Variants in CCDC175 observed in about 807,000 individuals in gnomAD.
The protein encoded by CCDC175 is coiled-coil domain containing 175, also known as coiled-coil domain-containing protein 175.
A neutral mutation model predicts 114.6 loss-of-function variants in CCDC175; 100 were observed. That is an observed-to-expected ratio of 0.87 (90% CI 0.74 to 1.03). CCDC175 has a LOEUF of 1.03. CCDC175 is among the 50% of genes least tolerant of loss of function. The pLI is 0.00. For synonymous variants in CCDC175, 306 were observed against 308.7 expected, an observed-to-expected ratio of 0.99 and a Z score of 0.09; for missense variants, 880 against 917.8, an observed-to-expected ratio of 0.96 and a Z score of 0.53.
At position 59,562,776 on chromosome 14, in the gene CCDC175, G is replaced by A. The variant is rs1479872048; in HGVS notation, c.843+961C>T. Reference sequence around the variant, plus strand: ...TATGAGGCCACAACTGGAAATATGAGCGTGGGCATGCAGATAGAATACGTT... The same window carrying A: ...TATGAGGCCACAACTGGAAATATGAACGTGGGCATGCAGATAGAATACGTT... On this transcript the variant is annotated intron_variant, in intron 6 of 19. Coordinates refer to ENST00000537690, the MANE Select transcript of CCDC175 (RefSeq NM_001164399.2). 5.3e-5 allele frequency among the ~76,000 whole-genome samples: 8 copies of A among 152,172 alleles called. No individual in the cohort carries two copies. The East Asian group carries it at 1.5e-3, about 29-fold the overall frequency.
intron 7 of CCDC175, among the ~76,000 whole-genome samples, chr14:59,555,525 A>T (rs148477581): frequency 0.016 from 2,477 of 152,252 alleles, 64 homozygotes; most frequent in African/African-American, 0.056. Context: ...ATGGGCAAAA[A>T]CTGGAAGCAT....
rs1435180872 is a variant in CCDC175, at chr14:59,572,726, TG to T, written c.330del (p.Asn111IlefsTer17). 3.3e-6 allele frequency: 5 copies of T among 1,510,070 alleles called. No individual in the cohort carries two copies. In the South Asian group the frequency reaches 6.4e-5, roughly 19 times the overall value. 93.5% of individuals were successfully genotyped at this position (1,510,070 alleles called of 1,614,324 possible). On this transcript the variant is annotated frameshift_variant, in exon 3 of 20. Coordinates refer to ENST00000537690, the MANE Select transcript of CCDC175 (RefSeq NM_001164399.2). LOFTEE classifies it high-confidence loss of function. ...CCTTCCAATTCCCTCTTAATGCTAT[TG>T]GGAAGAGTTTCCAATAGATAGTATA... ...NKLYYLLETL[P>X]NSIKRELEEC...
In CCDC175 at chr14:59,568,307, C is replaced by T. The variant is rs1031959049; in HGVS notation, c.429G>A (p.Glu143=). 6.5e-7 allele frequency: 1 copy of T among 1,534,158 alleles called. No homozygotes were observed. Among genetic ancestry groups the T allele is most frequent in the South Asian group, 1.2e-5 (1 of 83,226 alleles). Residue 143 remains glutamate (E), a synonymous_variant, in exon 4 of 20, where the codon GAG becomes GAA. Coordinates refer to ENST00000537690, the MANE Select transcript of CCDC175 (RefSeq NM_001164399.2). The part of the protein sequence containing the change: ...NTIKMRITRT[E]NEIELLKKKI... ...TCTTCTTCAGAAGCTCTATTTCATT[C>T]TCTGTCCTTGTAATTCTCATTTTTA...
chr14:59,565,310 A>G, intron 4 of CCDC175, 35 bp from the exon 5 acceptor site: 1 of 1,493,334 alleles, frequency 6.7e-7, no homozygotes, highest in Non-Finnish European at 9.0e-7. Flanking sequence ...AGTGAGAAGC[A>G]CAGCTCCTAA....
intron 17 of CCDC175, among the ~76,000 whole-genome samples, chr14:59,519,869 A>C (rs1417669261): frequency 6.6e-6 from 1 of 152,202 alleles, no homozygotes; most frequent in Non-Finnish European, 1.5e-5. Context: ...ATGCTTTTGG[A>C]ACCCAGCAGG....
chr14:59,550,872 C>A (rs1328181048), intron 8 of CCDC175, among the ~76,000 whole-genome samples: 1 of 152,158 alleles, frequency 6.6e-6, no homozygotes, highest in Non-Finnish European at 1.5e-5. Flanking sequence ...AAATGTTAAT[C>A]TCCTTTGGCA....
rs1383441651 is a variant in CCDC175, at chr14:59,568,266, G to T, written c.470C>A (p.Thr157Lys). Residue 157 changes from threonine (T) to lysine (K), a missense_variant, in exon 4 of 20, where the codon ACA (threonine) becomes AAA (lysine). Thr to Lys is a moderately conservative substitution (Grantham distance 78). Transcript: ENST00000537690. The stretch of plus-strand genomic sequence containing the variant: ...CTACCCCAGAGCTTCATTATATTTT[G>T]TCAGGTCAGTTATTTTCTTCTTCAG... Reference protein sequence around the residue: ...ELLKKKITDLTKYNEALGEKQ... With the variant: ...ELLKKKITDLKKYNEALGEKQ... 5 of 1,530,382 alleles carry T rather than the reference G, an allele frequency of 3.3e-6. No homozygotes were observed. The highest frequency in any genetic ancestry group is 4.4e-6 in the Non-Finnish European group (5 of 1,145,166). The allele number at this position is 1,530,382 out of a possible 1,614,324, so 94.8% of individuals were successfully genotyped here. A position where few individuals can be genotyped will look rare whatever the true frequency, so the allele number is the denominator to read the frequency against.
intron 13 of CCDC175, among the ~76,000 whole-genome samples, chr14:59,536,222 G>T (rs1266150690): frequency 1.3e-5 from 2 of 151,880 alleles, no homozygotes; most frequent in African/African-American, 2.4e-5. Flanking sequence ...GGAGGGTCCT[G>T]CCTCAGGCCC....
rs887204039 is a variant in CCDC175 at position 59,551,830 on chromosome 14, A to G, written c.954-394T>C. 5.9e-5 allele frequency among the ~76,000 whole-genome samples: 9 copies of G among 152,298 alleles called. No individual in the cohort carries two copies. The South Asian group carries it at 6.2e-4, about 11-fold the overall frequency. ...CACACCAGGAGATTATATCCCGCGC[A>G]TGGCTCAGAGGATCCCACGCCCATG... On this transcript the variant is annotated intron_variant, in intron 7 of 19. Coordinates refer to ENST00000537690, the MANE Select transcript of CCDC175 (RefSeq NM_001164399.2).
rs1206370941 is a variant in CCDC175 at position 59,519,270 on chromosome 14, A to T, written c.2098+2304T>A. ...AACATGGCACATGTATACATATGTAACTAACCTGCACATTGTGCACATGTA... is the reference window on the plus strand; with the variant it reads ...AACATGGCACATGTATACATATGTATCTAACCTGCACATTGTGCACATGTA... On this transcript the variant is annotated intron_variant, in intron 17 of 19. Transcript: ENST00000537690. Among the ~76,000 whole-genome samples the T allele has an allele frequency of 2.6e-5, 4 of 152,318 alleles. No individual in the cohort carries two copies. The South Asian group carries it at 8.3e-4, about 32-fold the overall frequency.
At chr14:59,570,882 G>T (rs1896811772) in intron 3 of CCDC175, among the ~76,000 whole-genome samples, 1 of 152,170 alleles carries the variant, frequency 6.6e-6, no homozygotes, top group South Asian at 2.1e-4. Context: ...GGGACTACAG[G>T]CATGCGCCAC....
Position 59,525,340 on chromosome 14 carries a change from A to C in CCDC175, c.1937T>G (p.Phe646Cys). The change falls in exon 16 of 20, where the codon TTC becomes TGC. Residue 646 changes from phenylalanine to cysteine, a missense_variant. By Grantham distance (205) the Phe-to-Cys change is radical. Coordinates refer to ENST00000537690, the MANE Select transcript of CCDC175 (RefSeq NM_001164399.2). Reference sequence around the variant, plus strand: ...ATCTGCTTTTTGGTCATTTATATAGAATCCATTTTCTAAGTTCTTTAGAGT... The same window carrying C: ...ATCTGCTTTTTGGTCATTTATATAGCATCCATTTTCTAAGTTCTTTAGAGT... ...FETLKNLENGFYINDQKADLL... is the reference protein window; with the variant it reads ...FETLKNLENGCYINDQKADLL... 3 of 1,505,072 alleles carry C rather than the reference A, an allele frequency of 2.0e-6. No homozygotes were observed. The highest frequency in any genetic ancestry group is 1.8e-6 in the Non-Finnish European group (2 of 1,135,638). The allele number at this position is 1,505,072 out of a possible 1,614,324, so 93.2% of individuals were successfully genotyped here.
chr14:59,554,267 C>T (rs1416666434), intron 7 of CCDC175, among the ~76,000 whole-genome samples: 2 of 152,334 alleles, frequency 1.3e-5, no homozygotes, highest in East Asian at 3.9e-4. Flanking sequence ...CAAACTGTCT[C>T]TCAGAACACA....
intron 7 of CCDC175, among the ~76,000 whole-genome samples, chr14:59,555,075 C>A (rs1473579675): frequency 2.0e-5 from 3 of 152,112 alleles, no homozygotes; most frequent in Non-Finnish European, 2.9e-5. Flanking sequence ...GAAACTATTC[C>A]AATCAATAGA....
At chr14:59,518,185 G>T (rs992294065) in intron 17 of CCDC175, among the ~76,000 whole-genome samples, 8 of 152,176 alleles carry the variant, frequency 5.3e-5, no homozygotes, top group African/African-American at 9.7e-5. Context: ...ATGGACTAAA[G>T]ACTTAAATCT....
chr14:59,557,139 T>C (rs1486655052), intron 7 of CCDC175, among the ~76,000 whole-genome samples: 2 of 152,144 alleles, frequency 1.3e-5, no homozygotes, highest in Non-Finnish European at 2.9e-5. Context: ...GGATTATAAA[T>C]CATACTGCTA....
intron 16 of CCDC175, 133 bp downstream of exon 16, chr14:59,525,149 G>T: frequency 3.3e-6 from 2 of 605,716 alleles, no homozygotes; most frequent in Non-Finnish European, 5.1e-6. Context: ...TGCAATCTGG[G>T]CACTTTTCTG....
chr14:59,558,029 G>A (rs578250854), intron 7 of CCDC175, among the ~76,000 whole-genome samples: 6 of 152,280 alleles, frequency 3.9e-5, no homozygotes, highest in Middle Eastern at 3.4e-3. Flanking sequence ...CTCTAGACAG[G>A]TGGTCAGGGA....
At chr14:59,508,565 C>CAAAAA (rs565175219) in intron 19 of CCDC175, among the ~76,000 whole-genome samples, 1,839 of 73,972 alleles carry the variant, frequency 0.025, 75 homozygotes, top group Middle Eastern at 0.042. Flanking sequence ...GGCCCTGTCT[C>CAAAAA]AAAAAAAAAA....
Sources: allele counts gnomAD v4.1 joint callset (sites outside exome capture counted in the v4.1 genomes callset), GRCh38; gene constraint gnomAD v4.1.1; transcripts MANE v1.5; gene names NCBI Gene and HGNC (gene_info 2026-07-23, HGNC 2026-07-21).